Variants in GPAT4 observed in about 807,000 individuals in gnomAD.
The protein encoded by GPAT4 is 1-AGP acyltransferase 6.
In GPAT4, 17 loss-of-function variants were observed where a neutral mutation model predicts 58.0. That is an observed-to-expected ratio of 0.29 (90% CI 0.20 to 0.44). GPAT4 has a LOEUF of 0.44. Ranked by LOEUF, GPAT4 falls within the 20% of genes least tolerant of loss-of-function variation. The probability of loss-of-function intolerance (pLI) is 1.00; values close to 1 mark genes in which losing one functional copy is unlikely to be tolerated. For missense variants in GPAT4, 377 were observed against 574.5 expected (o/e 0.66, Z 3.51); for synonymous variants, 204 against 210.1 (o/e 0.97, Z 0.25).
intron 1 of GPAT4, among the ~76,000 whole-genome samples, chr8:41,582,669 G>C (rs941327970): frequency 6.0e-5 from 7 of 116,804 alleles, no homozygotes; most frequent in African/African-American, 2.0e-4. Flanking sequence ...GAGGGAGAGA[G>C]AGAGAGTGTG....
intron 2 of GPAT4, among the ~76,000 whole-genome samples, chr8:41,607,221 C>T (rs1803301403): frequency 6.6e-6 from 1 of 152,182 alleles, no homozygotes; most frequent in South Asian, 2.1e-4. Context: ...CTGTTCAGCC[C>T]TCTCCTCTTT....
intron 10 of GPAT4, among the ~76,000 whole-genome samples, chr8:41,616,607 A>G (rs1803601758): frequency 6.6e-6 from 1 of 151,950 alleles, no homozygotes; most frequent in Admixed American, 6.6e-5. Flanking sequence ...CTGATTTTCC[A>G]TTCTAACATG....
intron 2 of GPAT4, among the ~76,000 whole-genome samples, chr8:41,600,054 T>TC (rs59122659): frequency 2.8e-5 from 4 of 145,048 alleles, no homozygotes; most frequent in South Asian, 4.4e-4. Flanking sequence ...TTTTTTTTTT[T>TC]CGAGACAAGA....
At chr8:41,612,675 A>C (rs1385454781) in intron 7 of GPAT4, 170 bp from the exon 8 acceptor site, 8 of 591,384 alleles carry the variant, frequency 1.4e-5, no homozygotes, top group Non-Finnish European at 1.5e-5. Context: ...GGAGAAGTTT[A>C]AGATTTGGGG....
chr8:41,621,172 C>A lies in GPAT4; in HGVS notation c.*171C>A. 1.1e-6 allele frequency: 1 copy of A among 931,728 alleles called. No homozygotes were observed. The highest frequency in any genetic ancestry group is 1.6e-6 in the Non-Finnish European group (1 of 636,094). The allele number at this position is 931,728 out of a possible 1,614,324, so 57.7% of individuals were successfully genotyped here. ...AGCCGCAGCGGGATCCCTGTGCACCCGGCGCAGCCTACCCTTGGTGGTCTA... is the reference window on the plus strand; with the variant it reads ...AGCCGCAGCGGGATCCCTGTGCACCAGGCGCAGCCTACCCTTGGTGGTCTA... On this transcript the variant is annotated 3_prime_UTR_variant, in exon 13 of 13. Coordinates refer to ENST00000396987, the MANE Select transcript of GPAT4 (RefSeq NM_178819.4).
rs781295731 is a variant in GPAT4 at position 41,599,279 on chromosome 8, T to C, written c.140T>C (p.Met47Thr). 1.2e-6 allele frequency: 2 copies of C among 1,613,916 alleles called. No individual in the cohort carries two copies. Among genetic ancestry groups the C allele is most frequent in the Non-Finnish European group, 8.5e-7 (1 of 1,179,998 alleles). Residue 47 changes from methionine (M) to threonine (T), a missense_variant, in exon 2 of 13, where the codon ATG (methionine) becomes ACG (threonine). By Grantham distance (81) the Met-to-Thr change is moderately conservative (BLOSUM62 -1). Transcript: ENST00000396987. ...GVSFGIRKLY[M>T]KSLLKIFAWA... ...TCCTTTGGTATCCGCAAACTCTACA[T>C]GAAAAGTCTGTTAAAAATCTTTGCG...
intron 1 of GPAT4, among the ~76,000 whole-genome samples, chr8:41,596,034 C>A (rs553261697): frequency 6.6e-6 from 1 of 152,258 alleles, no homozygotes; most frequent in South Asian, 2.1e-4. Flanking sequence ...AAACAAGGGA[C>A]CTGTCCAGGC....
intron 2 of GPAT4, among the ~76,000 whole-genome samples, chr8:41,600,289 A>T (rs573306208): frequency 1.6e-4 from 24 of 151,790 alleles, no homozygotes; most frequent in Admixed American, 9.2e-4. Flanking sequence ...TGATCTGTCC[A>T]CCTCAGCCTC....
Position 41,595,930 on chromosome 8 carries a change from G to A in GPAT4, c.-848-2362G>A, listed in dbSNP as rs368349072. Among the ~76,000 whole-genome samples, 449 of 152,150 alleles carry A rather than the reference G, an allele frequency of 3.0e-3. 1 individual carries two copies. Among genetic ancestry groups the A allele is most frequent in the African/African-American group, 0.01 (430 of 41,524 alleles). On this transcript the variant is annotated intron_variant, in intron 1 of 12. Transcript: ENST00000396987. ...ACCACTGTGGCGGGGCAGGGGTGGG[G>A]GGGTGTGATCTAAAACCAGCTGTAA...
intron 2 of GPAT4, among the ~76,000 whole-genome samples, chr8:41,603,396 C>A (rs1803157801): frequency 6.6e-6 from 1 of 151,894 alleles, no homozygotes; most frequent in Non-Finnish European, 1.5e-5. Context: ...CGTAGTGACG[C>A]ACATCTGTAA....
At chr8:41,611,771 C>CT (rs1803451880) in intron 5 of GPAT4, 132 bp from the exon 6 acceptor site, 4 of 732,274 alleles carry the variant, frequency 5.5e-6, no homozygotes, top group Non-Finnish European at 9.1e-6. Context: ...CATCACAGGA[C>CT]TTTCCTGTAG....
chr8:41,581,445 A>G (rs1802505063), intron 1 of GPAT4, among the ~76,000 whole-genome samples: 1 of 152,046 alleles, frequency 6.6e-6, no homozygotes, highest in Non-Finnish European at 1.5e-5. Context: ...ATACATTTGC[A>G]CTTGACTTTT....
chr8:41,598,588 T>C lies in GPAT4; in HGVS notation c.-552T>C, dbSNP rs1445487069. The C allele has an allele frequency of 6.6e-6, 1 of 152,300 alleles. No homozygotes were observed. Among genetic ancestry groups the C allele is most frequent in the Non-Finnish European group, 1.5e-5 (1 of 68,116 alleles). 9.4% of individuals were successfully genotyped at this position (152,300 alleles called of 1,614,324 possible). A position where few individuals can be genotyped will look rare whatever the true frequency, so the allele number is the denominator to read the frequency against. On this transcript the variant is annotated 5_prime_UTR_variant, in exon 2 of 13. Transcript: ENST00000396987. ...TCTCGGCTTATGAAGGAATTTTAAG[T>C]AAAACAGTTATTTAATTTCCACATA...
intron 8 of GPAT4, among the ~76,000 whole-genome samples, chr8:41,613,968 T>G (rs1803520814): frequency 6.6e-6 from 1 of 152,210 alleles, no homozygotes. Context: ...TAGAGACAGA[T>G]GAACTCTCCC....
intron 4 of GPAT4, 99 bp downstream of exon 4, chr8:41,610,054 G>A (rs910359210): frequency 6.6e-7 from 1 of 1,511,864 alleles, no homozygotes; most frequent in Non-Finnish European, 8.8e-7. Flanking sequence ...TTAGAAAGGA[G>A]GAGGGAATGA....
At chr8:41,618,054 G>A (rs927020823) in intron 10 of GPAT4, among the ~76,000 whole-genome samples, 2 of 152,246 alleles carry the variant, frequency 1.3e-5, no homozygotes, top group Admixed American at 6.5e-5. Context: ...CTTCATGGTA[G>A]ATGCAGGCCT....
chr8:41,584,096 CTTG>C (rs532746023), intron 1 of GPAT4, among the ~76,000 whole-genome samples: 14 of 152,090 alleles, frequency 9.2e-5, no homozygotes, highest in Non-Finnish European at 1.6e-4. Context: ...GGGGTCTCTC[CTTG>C]TTGTCCAGGC....
intron 1 of GPAT4, among the ~76,000 whole-genome samples, chr8:41,585,447 T>C (rs962154215): frequency 6.6e-6 from 1 of 152,154 alleles, no homozygotes; most frequent in Admixed American, 6.5e-5. Context: ...AATGAAGACA[T>C]TGGGCTAGAA....
intron 1 of GPAT4, among the ~76,000 whole-genome samples, chr8:41,583,312 TTTAAG>T (rs966633009): frequency 1.3e-5 from 2 of 152,048 alleles, no homozygotes; most frequent in African/African-American, 4.8e-5. Flanking sequence ...ATTCGTTCCA[TTTAAG>T]TTTTTTTTTT....
Sources: gnomAD v4.1 joint callset for allele counts (sites outside exome capture counted in the v4.1 genomes callset) on GRCh38, gnomAD v4.1.1 for gene constraint, MANE v1.5 for transcripts, NCBI Gene and HGNC (gene_info 2026-07-23, HGNC 2026-07-21) for gene names.